The following ITPR1 variants were observed in gnomAD, a reference collection of about 807,000 sequenced individuals.
ITPR1 encodes the protein inositol 1,4,5-trisphosphate-gated calcium channel ITPR1.
Under a neutral mutation model 318.4 loss-of-function variants are expected in ITPR1, and 96 were observed. The ratio of observed to expected loss-of-function variants is 0.30; its 90% CI spans 0.26 to 0.36. The LOEUF (loss-of-function observed/expected upper bound fraction) is 0.36. ITPR1 is among the 10% of genes least tolerant of loss of function. The pLI is 1.00. For missense variants in ITPR1, 2,440 were observed against 3,460.2 expected (o/e 0.71, Z 7.40); for synonymous variants, 1,312 against 1,289.9 (o/e 1.02, Z -0.37).
chr3:4,754,055 G>A (rs574258327), intron 44 of ITPR1, among the ~76,000 whole-genome samples: 6 of 131,878 alleles, frequency 4.5e-5, no homozygotes, highest in South Asian at 5.0e-4. Flanking sequence ...AAATGGGGGG[G>A]GGGTGGCAAG....
At position 4,775,247 on chromosome 3, in the gene ITPR1, C is replaced by T; in HGVS notation, c.5985C>T (p.Phe1995=). 6.2e-7 allele frequency: 1 copy of T among 1,613,672 alleles called. No individual in the cohort carries two copies. The highest frequency in any genetic ancestry group is 1.1e-5 in the South Asian group (1 of 91,072). The part of the protein sequence containing the change: ...CENHNRDLQN[F]LRCQNNKTNY... The stretch of plus-strand genomic sequence containing the variant: ...TGGGGACTACCCAATTGCAGAACTT[C>T]CTCCGTTGCCAAAATAACAAGACCA... The change falls in exon 47 of 62, where the codon TTC becomes TTT. Residue 1995 remains phenylalanine (F), a synonymous_variant. Transcript: ENST00000649015.
chr3:4,779,607 G>A lies in ITPR1; in HGVS notation c.6349G>A (p.Ala2117Thr), dbSNP rs373973399. Residue 2117 changes from alanine (A) to threonine (T), a missense_variant, in exon 49 of 62, where the codon GCA (alanine) becomes ACA (threonine). Ala to Thr is a moderately conservative substitution (Grantham distance 58). Around this residue, in one of 23 missense-constraint regions of ITPR1, gnomAD observed 49 missense variants for 47.2 expected, o/e 1.04. Transcript: ENST00000649015. The surrounding 1 kb of genome is among the most constrained non-coding windows in gnomAD (Gnocchi z 4.0). ...IMESRHDSENAERILYNMRPK... is the reference protein window; with the variant it reads ...IMESRHDSENTERILYNMRPK... Reference sequence around the variant, plus strand: ...GGAAAGCAGGCACGACAGTGAAAACGCAGAGAGGATACTTTATAACATGAG... The same window carrying A: ...GGAAAGCAGGCACGACAGTGAAAACACAGAGAGGATACTTTATAACATGAG... 10 of 1,612,044 alleles carry A rather than the reference G, an allele frequency of 6.2e-6. No individual in the cohort carries two copies. The highest frequency in any genetic ancestry group is 1.3e-5 in the African/African-American group (1 of 74,860).
chr3:4,741,554 T>C (rs947172259), intron 44 of ITPR1, among the ~76,000 whole-genome samples: 13 of 152,120 alleles, frequency 8.5e-5, no homozygotes, highest in African/African-American at 3.1e-4. Context: ...ACTCTTTTTT[T>C]TTTTTTGAGG....
intron 2 of ITPR1, among the ~76,000 whole-genome samples, chr3:4,505,641 G>T (rs919042665): frequency 2.0e-5 from 3 of 152,236 alleles, no homozygotes; most frequent in Admixed American, 2.0e-4. Context: ...TGGACTTGTT[G>T]TTGGCTCCAT....
chr3:4,512,908 C>T (rs1030304426), intron 2 of ITPR1, among the ~76,000 whole-genome samples: 2 of 149,984 alleles, frequency 1.3e-5, no homozygotes, highest in African/African-American at 4.9e-5. Flanking sequence ...GGGAGCTGAG[C>T]GCCTAAGCCT....
Position 4,699,946 on chromosome 3 carries a change from G to A in ITPR1, c.4536+5G>A. On this transcript the variant is annotated splice_donor_5th_base_variant and intron_variant, in intron 35 of 61. Transcript: ENST00000649015. ...GACCAGAGTACGACTTTGCAGGTAA[G>A]AAATAACCAACGTCAAGCAGAATGT... 6.2e-7 allele frequency: 1 copy of A among 1,611,722 alleles called. No homozygotes were observed. The highest frequency in any genetic ancestry group is 8.5e-7 in the Non-Finnish European group (1 of 1,178,054).
chr3:4,780,917 C>T (rs1342398471), intron 49 of ITPR1, among the ~76,000 whole-genome samples: 1 of 152,204 alleles, frequency 6.6e-6, no homozygotes, highest in South Asian at 2.1e-4. Flanking sequence ...AGGTGGCTGG[C>T]ACCGGCTCTT....
chr3:4,712,554 G>A lies in ITPR1; in HGVS notation c.5103+686G>A, dbSNP rs144180178. Reference sequence around the variant, plus strand: ...TTTGAAGGTAATAATGTTCAGTAACGGTCAGCTAGCTACATTTAGCAACAA... The same window carrying A: ...TTTGAAGGTAATAATGTTCAGTAACAGTCAGCTAGCTACATTTAGCAACAA... On this transcript the variant is annotated intron_variant, in intron 39 of 61. Coordinates refer to ENST00000649015, the MANE Select transcript of ITPR1 (RefSeq NM_001378452.1). Among the ~76,000 whole-genome samples, 19 of 152,298 alleles carry A rather than the reference G, an allele frequency of 1.2e-4. No homozygotes were observed. The East Asian group carries it at 1.3e-3, about 11-fold the overall frequency.
chr3:4,547,481 T>C (rs1210122262), intron 4 of ITPR1, among the ~76,000 whole-genome samples: 2 of 152,170 alleles, frequency 1.3e-5, no homozygotes, highest in Non-Finnish European at 2.9e-5. Flanking sequence ...TCCCCCTTAA[T>C]TGTATCCAGG....
intron 12 of ITPR1, 82 bp from the exon 13 acceptor site, chr3:4,658,042 G>T: frequency 4.5e-6 from 6 of 1,337,794 alleles, no homozygotes; most frequent in Non-Finnish European, 6.2e-6. Flanking sequence ...TTTCTTCTCC[G>T]TTCCTGTGGA....
chr3:4,775,140 A>G, intron 46 of ITPR1, 102 bp from the exon 47 acceptor site: 1 of 865,674 alleles, frequency 1.2e-6, no homozygotes. Flanking sequence ...ATCTCTCTGT[A>G]TAATTACCAA....
intron 42 of ITPR1, among the ~76,000 whole-genome samples, chr3:4,731,215 T>C (rs2042906269): frequency 6.6e-6 from 1 of 152,246 alleles, no homozygotes; most frequent in East Asian, 1.9e-4. Flanking sequence ...ATCACTGCGT[T>C]CCCAGTGACT....
chr3:4,780,768 A>T (rs7624085), intron 49 of ITPR1, among the ~76,000 whole-genome samples: 3 of 152,096 alleles, frequency 2.0e-5, no homozygotes, highest in Non-Finnish European at 2.9e-5. Flanking sequence ...GTAACTGGGG[A>T]TCACTGGGGA....
At chr3:4,657,171 C>A (rs1173556950) in intron 12 of ITPR1, among the ~76,000 whole-genome samples, 10 of 152,342 alleles carry the variant, frequency 6.6e-5, no homozygotes, top group African/African-American at 2.4e-4. Context: ...ACGCTGACTT[C>A]TCAAATATTT....
intron 2 of ITPR1, among the ~76,000 whole-genome samples, chr3:4,507,232 C>T (rs888033019): frequency 6.6e-6 from 1 of 151,922 alleles, no homozygotes; most frequent in Non-Finnish European, 1.5e-5. Flanking sequence ...TGGAAAACTT[C>T]ACTGTACATG....
intron 40 of ITPR1, among the ~76,000 whole-genome samples, chr3:4,718,779 G>A (rs775954940): frequency 1.3e-5 from 2 of 152,306 alleles, no homozygotes; most frequent in Middle Eastern, 3.4e-3. Context: ...ATTAACTGCC[G>A]TTAACTGCAG....
In ITPR1 at chr3:4,822,682, G is replaced by A. The variant is rs937322860; in HGVS notation, c.8028+4440G>A. 8.5e-5 allele frequency among the ~76,000 whole-genome samples: 13 copies of A among 152,272 alleles called. No homozygotes were observed. The East Asian group carries it at 2.5e-3, about 29-fold the overall frequency. On this transcript the variant is annotated intron_variant, in intron 60 of 61. Transcript: ENST00000649015. ...TCATTCATGGTTCACTGGTAGATTTGTCCTTCAACTCAAGCACCTGATGGA... is the reference window on the plus strand; with the variant it reads ...TCATTCATGGTTCACTGGTAGATTTATCCTTCAACTCAAGCACCTGATGGA...
chr3:4,496,047 T>A (rs950812143), intron 2 of ITPR1, among the ~76,000 whole-genome samples: 1 of 152,174 alleles, frequency 6.6e-6, no homozygotes, highest in Non-Finnish European at 1.5e-5. Context: ...AAAGCCTGAA[T>A]GGGGAGAGTA....
At chr3:4,720,944 C>T (rs1233458613) in intron 40 of ITPR1, among the ~76,000 whole-genome samples, 2 of 151,920 alleles carry the variant, frequency 1.3e-5, no homozygotes, top group African/African-American at 4.8e-5. Context: ...GCAGCAGTTA[C>T]ATAAGAGCTG....
Sources: allele counts gnomAD v4.1 joint callset (sites outside exome capture counted in the v4.1 genomes callset), GRCh38; gene constraint gnomAD v4.1.1; regional missense constraint gnomAD v4.1.1; non-coding constraint Gnocchi (gnomAD v3.1); transcripts MANE v1.5; gene names NCBI Gene and HGNC (gene_info 2026-07-23, HGNC 2026-07-21).